TNFRSF19: variants seen among roughly 807,000 people sequenced by gnomAD.
TNFRSF19 encodes the protein TNF receptor superfamily member 19.
Under a neutral mutation model 46.4 loss-of-function variants are expected in TNFRSF19, and 27 were observed. The ratio of observed to expected loss-of-function variants is 0.58; its 90% CI spans 0.43 to 0.80. The LOEUF (loss-of-function observed/expected upper bound fraction) is 0.80, where lower values mean the gene tolerates loss of function less well. TNFRSF19 is among the 30% of genes least tolerant of loss of function. The probability of loss-of-function intolerance (pLI) is 0.00; values close to 1 mark genes in which losing one functional copy is unlikely to be tolerated. For missense variants in TNFRSF19, 511 were observed against 530.8 expected, an observed-to-expected ratio of 0.96 and a Z score of 0.37; for synonymous variants, 204 against 205.0, an observed-to-expected ratio of 1.00 and a Z score of 0.04.
chr13:23,619,775 G>A (rs984685069), intron 4 of TNFRSF19, among the ~76,000 whole-genome samples: 1 of 152,170 alleles, frequency 6.6e-6, no homozygotes, highest in Admixed American at 6.5e-5. Flanking sequence ...GGTCTACAGG[G>A]GATGTACAGG....
intron 1 of TNFRSF19, among the ~76,000 whole-genome samples, chr13:23,583,281 T>C (rs1878585133): frequency 6.6e-6 from 1 of 152,164 alleles, no homozygotes; most frequent in Admixed American, 6.5e-5. Flanking sequence ...GGATTTAATT[T>C]TCATCACTCC....
intron 4 of TNFRSF19, among the ~76,000 whole-genome samples, chr13:23,616,604 T>G (rs1188212877): frequency 6.6e-6 from 1 of 152,134 alleles, no homozygotes; most frequent in Admixed American, 6.5e-5. Flanking sequence ...TGTTTTGAGA[T>G]GGAATTTCGC....
chr13:23,659,356 G>C lies in TNFRSF19; in HGVS notation c.610+142G>C, dbSNP rs1009523473. ...AACGCAGGGCACAAGAAACACAGGT[G>C]ATCCCTGAACAGCAGAGGGCTAGGA... is the stretch of plus-strand genomic sequence containing the variant. On this transcript the variant is annotated intron_variant, in intron 6 of 9. Coordinates refer to ENST00000248484, the MANE Select transcript of TNFRSF19 (RefSeq NM_148957.4). This position sits in a 1 kb window ranked among gnomAD's most constrained non-coding sequence, Gnocchi z 4.9. The C allele has an allele frequency of 6.5e-6, 6 of 918,426 alleles. No homozygotes were observed. In the African/African-American group the frequency reaches 6.6e-5, roughly 10 times the overall value. The allele number at this position is 918,426 out of a possible 1,614,324, so 56.9% of individuals were successfully genotyped here.
At chr13:23,663,937 C>CA (rs914034449) in intron 7 of TNFRSF19, among the ~76,000 whole-genome samples, 1 of 151,722 alleles carries the variant, frequency 6.6e-6, no homozygotes, top group Non-Finnish European at 1.5e-5. Flanking sequence ...TTTATTTCTT[C>CA]AAAAAAACAA....
intron 1 of TNFRSF19, among the ~76,000 whole-genome samples, chr13:23,589,704 A>C (rs998177839): frequency 1.3e-5 from 2 of 152,268 alleles, no homozygotes; most frequent in Non-Finnish European, 1.5e-5. Flanking sequence ...TGTGAGGATT[A>C]AGTGAGTTAG....
At chr13:23,626,338 G>A (rs865809151) in intron 4 of TNFRSF19, among the ~76,000 whole-genome samples, 109 of 152,042 alleles carry the variant, frequency 7.2e-4, no homozygotes, top group African/African-American at 2.5e-3. Flanking sequence ...TTTTATGGTT[G>A]CTTGGTTTTT....
intron 5 of TNFRSF19, among the ~76,000 whole-genome samples, chr13:23,629,117 G>C (rs1275564925): frequency 6.7e-6 from 1 of 149,950 alleles, no homozygotes; most frequent in Non-Finnish European, 1.5e-5. Context: ...TCCACAAAGA[G>C]CTACTGCTTC....
At chr13:23,591,281 C>T (rs1879266029) in intron 2 of TNFRSF19, among the ~76,000 whole-genome samples, 4 of 152,120 alleles carry the variant, frequency 2.6e-5, no homozygotes, top group Middle Eastern at 6.8e-3. Context: ...GGTGAGACCT[C>T]ATTGTTACTA....
chr13:23,673,719 A>G lies in TNFRSF19; in HGVS notation c.*339A>G, dbSNP rs17079157. The G allele has an allele frequency of 9.6e-3, 3,019 of 314,176 alleles. 224 individuals are homozygous for G. In the East Asian group the frequency reaches 0.15, roughly 15 times the overall value. The allele number at this position is 314,176 out of a possible 1,614,324, so 19.5% of individuals were successfully genotyped here. On this transcript the variant is annotated 3_prime_UTR_variant, in exon 10 of 10. Coordinates refer to ENST00000248484, the MANE Select transcript of TNFRSF19 (RefSeq NM_148957.4). ...TGTGGACATATAACAAGAAACAGAA[A>G]TGCCCTCATGCTTATTTTCATGGTG...
At chr13:23,655,220 G>A (rs938579271) in intron 5 of TNFRSF19, among the ~76,000 whole-genome samples, 3 of 152,090 alleles carry the variant, frequency 2.0e-5, no homozygotes, top group African/African-American at 4.8e-5. Context: ...TGTCGTACTC[G>A]TAATAGACAC....
intron 7 of TNFRSF19, among the ~76,000 whole-genome samples, chr13:23,667,726 G>T (rs3794343): frequency 0.12 from 17,556 of 151,764 alleles, 1,134 homozygotes; most frequent in East Asian, 0.22. Flanking sequence ...GCAGCTCCTG[G>T]TCTCCCCATT....
In TNFRSF19 at chr13:23,673,464, G is replaced by C; in HGVS notation, c.*84G>C. On this transcript the variant is annotated 3_prime_UTR_variant, in exon 10 of 10. Transcript: ENST00000248484. ...TTAGGCTTATGGACTGAGCAGTCTG[G>C]ACCTTGCATGGCTTCTGGGGCAAAA... 1.4e-6 allele frequency: 2 copies of C among 1,463,794 alleles called. No individual in the cohort carries two copies. Among genetic ancestry groups the C allele is most frequent in the Non-Finnish European group, 1.8e-6 (2 of 1,098,452 alleles). The allele number at this position is 1,463,794 out of a possible 1,614,324, so 90.7% of individuals were successfully genotyped here.
At chr13:23,607,643 A>G (rs1428709601) in intron 3 of TNFRSF19, among the ~76,000 whole-genome samples, 7 of 151,640 alleles carry the variant, frequency 4.6e-5, no homozygotes, top group Non-Finnish European at 7.4e-5. Context: ...AGATTTTTTT[A>G]TATTGTGGGT....
At chr13:23,626,653 A>T in intron 4 of TNFRSF19, 54 bp from the exon 5 acceptor site, 1 of 1,565,104 alleles carries the variant, frequency 6.4e-7, no homozygotes, top group South Asian at 1.1e-5. Flanking sequence ...TTATGACCAC[A>T]ACTGTAAGCT....
chr13:23,586,257 C>CAAAA (rs34228080), intron 1 of TNFRSF19, among the ~76,000 whole-genome samples: 46 of 91,844 alleles, frequency 5.0e-4, no homozygotes, highest in East Asian at 1.2e-3. Context: ...GACTCCGTCT[C>CAAAA]AAAAAAAAAA....
intron 5 of TNFRSF19, among the ~76,000 whole-genome samples, chr13:23,644,618 A>G (rs1356020736): frequency 6.6e-6 from 1 of 152,226 alleles, no homozygotes; most frequent in Non-Finnish European, 1.5e-5. Flanking sequence ...CAGTTCAAAA[A>G]AGAAAAGCAG....
intron 3 of TNFRSF19, among the ~76,000 whole-genome samples, chr13:23,598,902 G>C (rs376741843): frequency 2.0e-5 from 3 of 152,204 alleles, no homozygotes; most frequent in African/African-American, 7.2e-5. Context: ...CTTTTAAAGA[G>C]AAGTCCTTTT....
intron 4 of TNFRSF19, among the ~76,000 whole-genome samples, chr13:23,618,259 AT>A (rs1458709736): frequency 6.6e-5 from 10 of 152,214 alleles, no homozygotes; most frequent in Non-Finnish European, 1.3e-4. Flanking sequence ...GTAAGGAACT[AT>A]CTTAAGTAGA....
chr13:23,629,058 C>T (rs1363141074), intron 5 of TNFRSF19, among the ~76,000 whole-genome samples: 1 of 149,402 alleles, frequency 6.7e-6, no homozygotes, highest in Non-Finnish European at 1.5e-5. Context: ...TGTAAGGCGC[C>T]TTATGTTTTC....
Sources: gnomAD v4.1 joint callset for allele counts (sites outside exome capture counted in the v4.1 genomes callset) on GRCh38, gnomAD v4.1.1 for gene constraint, Gnocchi (gnomAD v3.1) non-coding constraint, MANE v1.5 for transcripts, NCBI Gene and HGNC (gene_info 2026-07-23, HGNC 2026-07-21) for gene names.